The following ANO6 variants were observed in gnomAD, a reference collection of about 807,000 sequenced individuals.
The protein encoded by ANO6 is anoctamin-6.
Under a neutral mutation model 117.5 loss-of-function variants are expected in ANO6, and 106 were observed. That is an observed-to-expected ratio of 0.90 (90% CI 0.77 to 1.06). The LOEUF (loss-of-function observed/expected upper bound fraction) is 1.06, where lower values mean the gene tolerates loss of function less well. Ranked by LOEUF, ANO6 falls within the 50% of genes least tolerant of loss-of-function variation. The pLI is 0.00. For missense variants in ANO6, 955 were observed against 1,121.1 expected (o/e 0.85, Z 2.12); for synonymous variants, 367 against 385.1 (o/e 0.95, Z 0.55).
intron 2 of ANO6, among the ~76,000 whole-genome samples, chr12:45,327,068 T>C (rs943844213): frequency 5.9e-5 from 9 of 152,088 alleles, no homozygotes; most frequent in African/African-American, 2.2e-4. Flanking sequence ...ACCTGTGTGG[T>C]TTTCAGGATT....
At chr12:45,317,713 G>C (rs1294113134) in intron 2 of ANO6, among the ~76,000 whole-genome samples, 8 of 152,084 alleles carry the variant, frequency 5.3e-5, no homozygotes, top group Non-Finnish European at 8.8e-5. Context: ...TTCCACAATG[G>C]TTGAACTAGT....
At chr12:45,285,440 G>A (rs1053844123) in intron 1 of ANO6, among the ~76,000 whole-genome samples, 1 of 152,182 alleles carries the variant, frequency 6.6e-6, no homozygotes, top group Non-Finnish European at 1.5e-5. Flanking sequence ...GTTGAGAAAT[G>A]CTGCAGTAAA....
chr12:45,425,630 G>C (rs1943482943), intron 19 of ANO6, among the ~76,000 whole-genome samples: 1 of 152,182 alleles, frequency 6.6e-6, no homozygotes, highest in African/African-American at 2.4e-5. Flanking sequence ...TACAGCAGAA[G>C]TTTGAAATAT....
rs770623217 is a variant in ANO6, at chr12:45,331,427, A to C, written c.279+4A>C. 1.2e-6 allele frequency: 2 copies of C among 1,601,054 alleles called. No individual in the cohort carries two copies. Among genetic ancestry groups the C allele is most frequent in the Admixed American group, 3.4e-5 (2 of 59,028 alleles). ...GGGTACAAATGAAAAACAAAGGGTA[A>C]GTTTTTATGCTATTTTCCTTTCTTT... On this transcript the variant is annotated splice_donor_region_variant and intron_variant, in intron 3 of 19. Transcript: ENST00000320560.
At chr12:45,345,752 A>G (rs1022729563) in intron 3 of ANO6, among the ~76,000 whole-genome samples, 52 of 151,918 alleles carry the variant, frequency 3.4e-4, no homozygotes, top group Non-Finnish European at 8.8e-5. Context: ...TTGATGAATA[A>G]TAAATCAGAT....
At chr12:45,408,679 T>G (rs1943008375) in intron 15 of ANO6, among the ~76,000 whole-genome samples, 1 of 152,146 alleles carries the variant, frequency 6.6e-6, no homozygotes. Context: ...CTTTCCTACT[T>G]GGTGCCCTCC....
chr12:45,395,776 T>C (rs1942594334), intron 12 of ANO6, among the ~76,000 whole-genome samples: 1 of 152,164 alleles, frequency 6.6e-6, no homozygotes, highest in African/African-American at 2.4e-5. Context: ...AAAAGGCCTT[T>C]GACAAAATTC....
rs1271072803 is a variant in ANO6 at position 45,357,327 on chromosome 12, T to G, written c.901T>G (p.Trp301Gly). Residue 301 changes from tryptophan (W) to glycine (G), a missense_variant, in exon 8 of 20, where the codon TGG (tryptophan) becomes GGG (glycine). Physicochemically the swap from Trp to Gly is radical, Grantham distance 184. Coordinates refer to ENST00000320560, the MANE Select transcript of ANO6 (RefSeq NM_001025356.3). Reference sequence around the variant, plus strand: ...AGAGAAGATTGGAATCTACTTTGCTTGGCTGGGCTATTACACTCAGATGCT... The same window carrying G: ...AGAGAAGATTGGAATCTACTTTGCTGGGCTGGGCTATTACACTCAGATGCT... ...YGEKIGIYFA[W>G]LGYYTQMLLL... The G allele has an allele frequency of 6.2e-7, 1 of 1,614,054 alleles. No homozygotes were observed. The highest frequency in any genetic ancestry group is 1.1e-5 in the South Asian group (1 of 91,078).
chr12:45,269,841 G>A (rs1938337134), intron 1 of ANO6, among the ~76,000 whole-genome samples: 2 of 152,168 alleles, frequency 1.3e-5, no homozygotes, highest in Non-Finnish European at 2.9e-5. Context: ...TTAATTCAAT[G>A]TAGTTTTCTT....
chr12:45,334,770 T>C (rs1940776718), intron 3 of ANO6, among the ~76,000 whole-genome samples: 1 of 152,064 alleles, frequency 6.6e-6, no homozygotes, highest in Admixed American at 6.6e-5. Context: ...ATTAAATATA[T>C]CTAAATATGT....
chr12:45,225,152 C>T (rs1031177555), intron 1 of ANO6, among the ~76,000 whole-genome samples: 2 of 141,384 alleles, frequency 1.4e-5, no homozygotes, highest in African/African-American at 5.4e-5. Flanking sequence ...TGTGCCACTG[C>T]AGTCCAGCCT....
chr12:45,225,356 T>C (rs1412864568), intron 1 of ANO6, among the ~76,000 whole-genome samples: 1 of 152,224 alleles, frequency 6.6e-6, no homozygotes, highest in African/African-American at 2.4e-5. Context: ...GTATTTTAGC[T>C]GTACATCTTA....
At chr12:45,414,272 G>T (rs113019165) in intron 16 of ANO6, among the ~76,000 whole-genome samples, 230 of 151,894 alleles carry the variant, frequency 1.5e-3, no homozygotes, top group African/African-American at 5.0e-3. Flanking sequence ...TTTTTTTTCA[G>T]TGGGTGTTTT....
chr12:45,421,103 C>G lies in ANO6; in HGVS notation c.2250C>G (p.Ile750Met). 1 of 1,614,234 alleles carries G rather than the reference C, an allele frequency of 6.2e-7. No individual in the cohort carries two copies. The highest frequency in any genetic ancestry group is 8.5e-7 in the Non-Finnish European group (1 of 1,180,034). The change falls in exon 18 of 20, where the codon ATC becomes ATG. Residue 750 changes from isoleucine (I) to methionine (M), a missense_variant. Ile to Met is a conservative substitution (Grantham distance 10). Transcript: ENST00000320560. ...AMIIAFTSDM[I>M]PRLVYYWSFS... Reference sequence around the variant, plus strand: ...TCATAGCTTTCACGTCGGACATGATCCCCCGCCTAGTGTACTACTGGTCCT... The same window carrying G: ...TCATAGCTTTCACGTCGGACATGATGCCCCGCCTAGTGTACTACTGGTCCT...
In ANO6 at chr12:45,216,319, G is replaced by C. The variant is rs374221035; in HGVS notation, c.-3G>C. ...AAGTTCGGAGCCGCCTTCTGAGGGA[G>C]ACATGAAAAAGATGAGCAGGAATGT... On this transcript the variant is annotated 5_prime_UTR_variant, in exon 1 of 20. Coordinates refer to ENST00000320560, the MANE Select transcript of ANO6 (RefSeq NM_001025356.3). The C allele has an allele frequency of 3.1e-6, 5 of 1,609,468 alleles. No homozygotes were observed. Among genetic ancestry groups the C allele is most frequent in the African/African-American group, 1.3e-5 (1 of 74,844 alleles).
intron 15 of ANO6, among the ~76,000 whole-genome samples, chr12:45,407,844 A>G (rs1942981681): frequency 6.6e-6 from 1 of 152,078 alleles, no homozygotes. Flanking sequence ...TTTTTTTACC[A>G]AAGTTAACCA....
At chr12:45,287,260 G>A (rs1938947775) in intron 1 of ANO6, among the ~76,000 whole-genome samples, 1 of 152,158 alleles carries the variant, frequency 6.6e-6, no homozygotes, top group African/African-American at 2.4e-5. Context: ...GCTACCTAAG[G>A]CCGAGTGCGC....
chr12:45,317,111 A>ATGTGTGTGTG (rs10632163), intron 2 of ANO6, among the ~76,000 whole-genome samples: 8 of 13,966 alleles, frequency 5.7e-4, no homozygotes, highest in Non-Finnish European at 1.4e-3. Context: ...TTCTTTTTAT[A>ATGTGTGTGTG]TGTATATATA....
intron 1 of ANO6, among the ~76,000 whole-genome samples, chr12:45,243,982 A>G (rs552323845): frequency 1.3e-5 from 2 of 152,236 alleles, no homozygotes; most frequent in African/African-American, 2.4e-5. Context: ...TCATTTTCTC[A>G]TGGTAACAGT....
Sources: gnomAD v4.1 joint callset for allele counts (sites outside exome capture counted in the v4.1 genomes callset) on GRCh38, gnomAD v4.1.1 for gene constraint, MANE v1.5 for transcripts, NCBI Gene and HGNC (gene_info 2026-07-23, HGNC 2026-07-21) for gene names.